Variants in TCF12 observed in about 807,000 individuals in gnomAD.
TCF12 encodes the protein transcription factor 12.
TCF12 carries 45 observed loss-of-function variants against 86.0 expected under a neutral mutation model. The ratio of observed to expected loss-of-function variants is 0.52; its 90% CI spans 0.41 to 0.67. The LOEUF is 0.67. Ranked by LOEUF, TCF12 falls within the 30% of genes least tolerant of loss-of-function variation. The pLI, the probability that TCF12 is intolerant of heterozygous loss-of-function variation, is 0.00. For missense variants in TCF12, 881 were observed against 859.9 expected (o/e 1.02, Z -0.31); for synonymous variants, 330 against 299.6 (o/e 1.10, Z -1.05).
At chr15:57,127,204 A>T (rs2051727161) in intron 5 of TCF12, among the ~76,000 whole-genome samples, 1 of 152,016 alleles carries the variant, frequency 6.6e-6, no homozygotes, top group South Asian at 2.1e-4. Context: ...GCTGGTCTCG[A>T]ACTCCTGACC....
At chr15:56,941,535 G>A (rs1377613642) in intron 3 of TCF12, among the ~76,000 whole-genome samples, 1 of 151,862 alleles carries the variant, frequency 6.6e-6, no homozygotes, top group Non-Finnish European at 1.5e-5. Flanking sequence ...ACCACACCCA[G>A]CTAATTTTTT....
intron 3 of TCF12, among the ~76,000 whole-genome samples, chr15:57,007,852 CCCTT>C (rs60825721): frequency 0.019 from 1,933 of 101,172 alleles, 40 homozygotes; most frequent in African/African-American, 0.044. Context: ...CTCTTTCCCT[CCCTT>C]CCTTCCTTCC....
chr15:57,167,861 G>C (rs1293588037), intron 6 of TCF12, among the ~76,000 whole-genome samples: 1 of 152,072 alleles, frequency 6.6e-6, no homozygotes, highest in African/African-American at 2.4e-5. Flanking sequence ...TTTATGGTTA[G>C]CTTTATTTTA....
chr15:57,166,391 T>A lies in TCF12; in HGVS notation c.326-11T>A. The A allele has an allele frequency of 6.2e-7, 1 of 1,608,866 alleles. No individual in the cohort carries two copies. The highest frequency in any genetic ancestry group is 8.5e-7 in the Non-Finnish European group (1 of 1,177,252). On this transcript the variant is annotated splice_polypyrimidine_tract_variant and intron_variant, in intron 5 of 20. Coordinates refer to ENST00000333725, the MANE Select transcript of TCF12 (RefSeq NM_207037.2). ...AGGGTTTTATATAAAGTTAATTTCT[T>A]TGTTTTATAGGAAAAACATCAGAGA... is the stretch of plus-strand genomic sequence containing the variant.
chr15:56,918,376 CAGG>C, upstream of TCF12: 1 of 384,074 alleles, frequency 2.6e-6, no homozygotes, highest in East Asian at 8.2e-5. Flanking sequence ...ACCCCGCTCC[CAGG>C]AGGCCCGGAC....
At chr15:57,201,470 A>G (rs1214192136) in intron 8 of TCF12, among the ~76,000 whole-genome samples, 1 of 152,086 alleles carries the variant, frequency 6.6e-6, no homozygotes, top group Non-Finnish European at 1.5e-5. Flanking sequence ...AGGTGTGAAA[A>G]AATAAACACG....
chr15:57,149,344 A>G (rs1278963072), intron 5 of TCF12, among the ~76,000 whole-genome samples: 2 of 152,228 alleles, frequency 1.3e-5, no homozygotes, highest in East Asian at 1.9e-4. Flanking sequence ...TGGTCACAAC[A>G]TGCCAAAGAA....
rs78735359 is a variant in TCF12, at chr15:56,984,773, T to C, written c.148+63675T>C. Reference sequence around the variant, plus strand: ...GTAATAGGAGTTCAGGTAAGCAGTTTAGGTAATGGTTTAAATTGGAGAAAG... The same window carrying C: ...GTAATAGGAGTTCAGGTAAGCAGTTCAGGTAATGGTTTAAATTGGAGAAAG... On this transcript the variant is annotated intron_variant, in intron 3 of 20. Transcript: ENST00000333725. Among the ~76,000 whole-genome samples, 78 of 152,278 alleles carry C rather than the reference T, an allele frequency of 5.1e-4. 1 individual carries two copies. In the East Asian group the frequency reaches 0.015, roughly 29 times the overall value.
chr15:56,998,926 C>A (rs540686015), intron 3 of TCF12, among the ~76,000 whole-genome samples: 4 of 152,104 alleles, frequency 2.6e-5, no homozygotes, highest in African/African-American at 9.6e-5. Context: ...TGGCTGGGCG[C>A]GGTGGCTCAT....
chr15:57,170,705 A>ATTATATATAATATATATTATATATATT (rs1491151079), intron 6 of TCF12, among the ~76,000 whole-genome samples: 3 of 36,752 alleles, frequency 8.2e-5, no homozygotes, highest in African/African-American at 6.4e-4. Context: ...TATTATATAT[A>ATTATATATAATATATATTATATATATT]ATATATAATA....
intron 3 of TCF12, among the ~76,000 whole-genome samples, chr15:57,057,155 A>T (rs1037805015): frequency 6.6e-6 from 1 of 152,176 alleles, no homozygotes; most frequent in African/African-American, 2.4e-5. Context: ...CTCTGCTACA[A>T]ACTGCCTTGT....
At chr15:56,975,780 T>A (rs1245702205) in intron 3 of TCF12, among the ~76,000 whole-genome samples, 1 of 152,042 alleles carries the variant, frequency 6.6e-6, no homozygotes, top group Non-Finnish European at 1.5e-5. Context: ...TTTCTTTGTA[T>A]CTAAATTGAG....
chr15:57,021,677 C>A (rs1025550400), intron 3 of TCF12, among the ~76,000 whole-genome samples: 1 of 151,962 alleles, frequency 6.6e-6, no homozygotes, highest in South Asian at 2.1e-4. Context: ...GATAGGAGTT[C>A]TTATATTTAG....
chr15:57,258,861 A>G (rs532034392), intron 16 of TCF12, among the ~76,000 whole-genome samples: 14 of 152,302 alleles, frequency 9.2e-5, no homozygotes, highest in Non-Finnish European at 1.6e-4. Flanking sequence ...TGACAGGCAA[A>G]TAGGGTAATA....
intron 5 of TCF12, among the ~76,000 whole-genome samples, chr15:57,127,700 G>A (rs1435106913): frequency 6.6e-6 from 1 of 152,198 alleles, no homozygotes; most frequent in South Asian, 2.1e-4. Flanking sequence ...CCCAGTGAAA[G>A]TGTAAGAATA....
chr15:57,221,576 G>A (rs1233975013), intron 8 of TCF12, among the ~76,000 whole-genome samples: 1 of 151,944 alleles, frequency 6.6e-6, no homozygotes, highest in Non-Finnish European at 1.5e-5. Context: ...GGTATTTCCA[G>A]GCTTATGGTA....
chr15:57,220,177 A>G (rs1299095918), intron 8 of TCF12, among the ~76,000 whole-genome samples: 2 of 152,216 alleles, frequency 1.3e-5, no homozygotes, highest in African/African-American at 4.8e-5. Context: ...TTTACTAGCA[A>G]TGAGCTTGAA....
intron 5 of TCF12, among the ~76,000 whole-genome samples, chr15:57,137,072 C>T (rs995431574): frequency 3.5e-5 from 5 of 144,668 alleles, no homozygotes; most frequent in Non-Finnish European, 4.5e-5. Flanking sequence ...CTCTGTCTCC[C>T]GGGTTCACGC....
intron 3 of TCF12, among the ~76,000 whole-genome samples, chr15:57,024,710 G>C (rs756264250): frequency 7.2e-5 from 11 of 152,134 alleles, no homozygotes; most frequent in Non-Finnish European, 1.6e-4. Context: ...TCCATAGTAA[G>C]AAGAATAGTG....
Sources: gnomAD v4.1 joint callset for allele counts (sites outside exome capture counted in the v4.1 genomes callset) on GRCh38, gnomAD v4.1.1 for gene constraint, MANE v1.5 for transcripts, NCBI Gene and HGNC (gene_info 2026-07-23, HGNC 2026-07-21) for gene names.